The following MICU1 variants were observed in gnomAD, a reference collection of about 807,000 sequenced individuals.
MICU1 encodes the protein calcium uptake protein 1, mitochondrial.
A neutral mutation model predicts 56.8 loss-of-function variants in MICU1; 45 were observed. The ratio of observed to expected loss-of-function variants is 0.79; its 90% CI spans 0.62 to 1.02. MICU1 has a LOEUF of 1.02. MICU1 is among the 50% of genes least tolerant of loss of function. The pLI, the probability that MICU1 is intolerant of heterozygous loss-of-function variation, is 0.00. For missense variants in MICU1, 504 were observed against 587.1 expected (o/e 0.86, Z 1.46); for synonymous variants, 186 against 195.1 (o/e 0.95, Z 0.39).
At chr10:72,453,040 G>A (rs1865347372) in intron 8 of MICU1, among the ~76,000 whole-genome samples, 1 of 152,168 alleles carries the variant, frequency 6.6e-6, no homozygotes. Context: ...GGAGGCTCCT[G>A]GGCCCAGTTG....
intron 3 of MICU1, among the ~76,000 whole-genome samples, chr10:72,562,076 C>A (rs547480760): frequency 6.6e-6 from 1 of 150,788 alleles, no homozygotes; most frequent in Admixed American, 6.6e-5. Flanking sequence ...ATCATAGGAA[C>A]TGCTGTAGTG....
At chr10:72,573,216 T>C (rs1318933938) in intron 1 of MICU1, among the ~76,000 whole-genome samples, 1 of 142,978 alleles carries the variant, frequency 7.0e-6, no homozygotes, top group Non-Finnish European at 1.5e-5. Context: ...ATGCCTGTAA[T>C]CCCAGCAGTT....
At chr10:72,498,898 T>G (rs796193763) in intron 6 of MICU1, among the ~76,000 whole-genome samples, 8 of 152,208 alleles carry the variant, frequency 5.3e-5, no homozygotes, top group Admixed American at 3.9e-4. Flanking sequence ...TTTTAGAGCA[T>G]AGCCCCATCT....
chr10:72,402,026 A>G (rs964850006), intron 10 of MICU1, among the ~76,000 whole-genome samples: 8 of 152,168 alleles, frequency 5.3e-5, no homozygotes, highest in Non-Finnish European at 1.0e-4. Flanking sequence ...ATTGTTCTAT[A>G]TCTTCCCCAG....
intron 8 of MICU1, among the ~76,000 whole-genome samples, chr10:72,463,397 A>C (rs1017692127): frequency 7.2e-5 from 11 of 152,234 alleles, no homozygotes; most frequent in Admixed American, 7.2e-4. Flanking sequence ...GGTCAGATTC[A>C]GAAGTGATAA....
In MICU1 at chr10:72,475,141, C is replaced by A; in HGVS notation, c.892G>T (p.Glu298Ter). ...KGKLTIKNFLEFQRKLQHDVL... is the reference protein window; with the variant it reads ...KGKLTIKNFL ...TCATGCTGCAGTTTACGCTGAAATT[C>A]GAGGAAGTTTTTGATTGTCAGCTTT... Residue 298 changes from glutamate (E) to a stop codon, truncating the protein, a stop_gained, in exon 8 of 12, where the codon GAA (glutamate) becomes TAA (stop). Coordinates refer to ENST00000361114, the MANE Select transcript of MICU1 (RefSeq NM_001195518.2). LOFTEE classifies it high-confidence loss of function. 2 of 1,611,048 alleles carry A rather than the reference C, an allele frequency of 1.2e-6. No homozygotes were observed. Among genetic ancestry groups the A allele is most frequent in the East Asian group, 4.5e-5 (2 of 44,828 alleles).
chr10:72,609,394 C>T (rs533260140), intron 1 of MICU1, among the ~76,000 whole-genome samples: 1 of 152,248 alleles, frequency 6.6e-6, no homozygotes, highest in South Asian at 2.1e-4. Flanking sequence ...AATCTCCACG[C>T]TTTGGGAGGC....
At chr10:72,537,527 C>T (rs891991268) in intron 4 of MICU1, among the ~76,000 whole-genome samples, 1 of 152,124 alleles carries the variant, frequency 6.6e-6, no homozygotes, top group Non-Finnish European at 1.5e-5. Context: ...TGAGATGTTT[C>T]CTATGGTTTT....
chr10:72,495,219 T>C (rs1866797356), intron 6 of MICU1, among the ~76,000 whole-genome samples: 1 of 138,330 alleles, frequency 7.2e-6, no homozygotes, highest in South Asian at 2.3e-4. Flanking sequence ...CCCCCATCCC[T>C]AACTTCAGAG....
intron 3 of MICU1, among the ~76,000 whole-genome samples, chr10:72,559,173 G>T (rs1164151014): frequency 6.6e-6 from 1 of 152,156 alleles, no homozygotes; most frequent in African/African-American, 2.4e-5. Context: ...ATGTGACAGA[G>T]CAAGACTCTC....
In MICU1 at chr10:72,395,610, G is replaced by A. The variant is rs183619718; in HGVS notation, c.1180+12319C>T. Reference sequence around the variant, plus strand: ...TGTTGTTCCCAAGGTCTTAGCAACCGGTAGGCAAGGTGATTCTCTCCTGTG... The same window carrying A: ...TGTTGTTCCCAAGGTCTTAGCAACCAGTAGGCAAGGTGATTCTCTCCTGTG... On this transcript the variant is annotated intron_variant, in intron 10 of 11. Transcript: ENST00000361114. 1.1e-3 allele frequency among the ~76,000 whole-genome samples: 173 copies of A among 152,312 alleles called. 2 individuals are homozygous for A. The highest frequency in any genetic ancestry group is 3.9e-3 in the African/African-American group (163 of 41,568).
Position 72,456,847 on chromosome 10 carries a change from TTTTGTGTGTGTGTGTGTGTGTGTGTGTG to T in MICU1, c.933+18225_933+18252del, listed in dbSNP as rs1324483274. On this transcript the variant is annotated intron_variant, in intron 8 of 11. Transcript: ENST00000361114. ...GGGATGCACCACCATGCCGGGCTCA[TTTTGTGTGTGTGTGTGTGTGTGTGTGTG>T]TGTGTGTGTGTGTGTGTGTGTGTGT... is the stretch of plus-strand genomic sequence containing the variant. Among the ~76,000 whole-genome samples the T allele has an allele frequency of 1.2e-3, 125 of 100,818 alleles. 3 individuals carry two copies. Among genetic ancestry groups the T allele is most frequent in the African/African-American group, 4.2e-3 (112 of 26,656 alleles). 66.1% of individuals were successfully genotyped at this position (100,818 alleles called of 152,430 possible). A position where few individuals can be genotyped will look rare whatever the true frequency, so the allele number is the denominator to read the frequency against.
intron 5 of MICU1, among the ~76,000 whole-genome samples, chr10:72,528,078 G>A (rs1489237552): frequency 1.3e-5 from 2 of 152,092 alleles, no homozygotes; most frequent in Non-Finnish European, 2.9e-5. Context: ...CACCTGCCTC[G>A]GCCTCCCAAA....
intron 10 of MICU1, among the ~76,000 whole-genome samples, chr10:72,402,626 C>A (rs372424551): frequency 6.6e-6 from 1 of 151,956 alleles, no homozygotes; most frequent in Non-Finnish European, 1.5e-5. Context: ...TCGATAAAAT[C>A]TTAGTGCTTT....
intron 7 of MICU1, chr10:72,475,892 C>T (rs1206027152): frequency 2.2e-6 from 1 of 456,556 alleles, no homozygotes; most frequent in Non-Finnish European, 4.4e-6. Flanking sequence ...CTTAGAAAAT[C>T]TCTGTTCAGG....
chr10:72,568,249 T>C (rs1840496185), intron 1 of MICU1, among the ~76,000 whole-genome samples: 2 of 152,244 alleles, frequency 1.3e-5, no homozygotes, highest in African/African-American at 2.4e-5. Context: ...GTTTTAAATC[T>C]GAAACATCTG....
At chr10:72,530,214 C>A (rs1171745128) in intron 5 of MICU1, among the ~76,000 whole-genome samples, 1 of 150,972 alleles carries the variant, frequency 6.6e-6, no homozygotes, top group Non-Finnish European at 1.5e-5. Context: ...GCCTGTAATC[C>A]CAGCTACTCA....
intron 5 of MICU1, among the ~76,000 whole-genome samples, chr10:72,522,891 TAAGAAA>T (rs1468130441): frequency 6.6e-6 from 1 of 152,146 alleles, no homozygotes; most frequent in East Asian, 1.9e-4. Flanking sequence ...TCCCACTACC[TAAGAAA>T]AAGGTTTATT....
At chr10:72,451,138 C>A (rs1461124722) in intron 8 of MICU1, among the ~76,000 whole-genome samples, 1 of 150,542 alleles carries the variant, frequency 6.6e-6, no homozygotes, top group South Asian at 2.1e-4. Context: ...GATTCTCCTG[C>A]CTCAGCCTCC....
Sources: allele counts gnomAD v4.1 joint callset (sites outside exome capture counted in the v4.1 genomes callset), GRCh38; gene constraint gnomAD v4.1.1; transcripts MANE v1.5; gene names NCBI Gene and HGNC (gene_info 2026-07-23, HGNC 2026-07-21).